Variants in TRPC3 observed in about 807,000 individuals in gnomAD.
The protein encoded by TRPC3 is short transient receptor potential channel 3.
Under a neutral mutation model 90.9 loss-of-function variants are expected in TRPC3, and 54 were observed. The observed-to-expected ratio is 0.59, with a 90% confidence interval of 0.48 to 0.75. The LOEUF (loss-of-function observed/expected upper bound fraction) is 0.75. Ranked by LOEUF, TRPC3 falls within the 30% of genes least tolerant of loss-of-function variation. TRPC3 has a pLI of 0.00. For missense variants in TRPC3, 918 were observed against 1,194.5 expected, an observed-to-expected ratio of 0.77 and a Z score of 3.41; for synonymous variants, 424 against 450.9, an observed-to-expected ratio of 0.94 and a Z score of 0.75.
At chr4:121,890,749 T>G (rs551645301) in intron 10 of TRPC3, among the ~76,000 whole-genome samples, 2 of 152,238 alleles carry the variant, frequency 1.3e-5, no homozygotes, top group Non-Finnish European at 2.9e-5. Flanking sequence ...GCCAGCACTT[T>G]GGGAGGCCGA....
At chr4:121,895,528 T>C (rs181240572) in intron 10 of TRPC3, among the ~76,000 whole-genome samples, 1 of 151,822 alleles carries the variant, frequency 6.6e-6, no homozygotes, top group Non-Finnish European at 1.5e-5. Context: ...AATAGAGAAA[T>C]ATGAAAGATC....
chr4:121,902,236 T>A (rs1164870585), intron 9 of TRPC3, among the ~76,000 whole-genome samples: 1 of 152,180 alleles, frequency 6.6e-6, no homozygotes, highest in Non-Finnish European at 1.5e-5. Context: ...CTTCTATCTA[T>A]ACCATTCTAT....
intron 10 of TRPC3, among the ~76,000 whole-genome samples, chr4:121,896,853 G>T (rs1027595205): frequency 1.2e-4 from 18 of 151,832 alleles, no homozygotes; most frequent in African/African-American, 4.4e-4. Flanking sequence ...TGAGCAAAAA[G>T]AACAAATCTG....
intron 1 of TRPC3, among the ~76,000 whole-genome samples, chr4:121,941,577 C>G (rs569745187): frequency 2.0e-5 from 3 of 151,604 alleles, no homozygotes; most frequent in East Asian, 3.9e-4. Context: ...TGGGAAGCAG[C>G]AGGTACTGAC....
chr4:121,912,593 T>G (rs1470577972), intron 4 of TRPC3, among the ~76,000 whole-genome samples: 1 of 152,184 alleles, frequency 6.6e-6, no homozygotes, highest in Admixed American at 6.5e-5. Context: ...TTTCTAAATA[T>G]TCCAAAATCA....
chr4:121,880,834 A>G (rs1217729903), intron 11 of TRPC3, among the ~76,000 whole-genome samples: 1 of 152,138 alleles, frequency 6.6e-6, no homozygotes, highest in Non-Finnish European at 1.5e-5. Context: ...ATTTCCTGGT[A>G]TCTTTAATAT....
chr4:121,914,497 T>A (rs1445335563), intron 4 of TRPC3, among the ~76,000 whole-genome samples: 1 of 152,244 alleles, frequency 6.6e-6, no homozygotes, highest in African/African-American at 2.4e-5. Flanking sequence ...GTACAAGGGC[T>A]ACTTCACTCA....
At chr4:121,886,911 C>T (rs1416828608) in intron 10 of TRPC3, among the ~76,000 whole-genome samples, 8 of 152,084 alleles carry the variant, frequency 5.3e-5, no homozygotes, top group Admixed American at 2.6e-4. Flanking sequence ...TGCTCCAATT[C>T]GCAGCAATTA....
At chr4:121,884,525 A>G (rs1728045202) in intron 10 of TRPC3, among the ~76,000 whole-genome samples, 1 of 152,192 alleles carries the variant, frequency 6.6e-6, no homozygotes, top group Non-Finnish European at 1.5e-5. Context: ...GAAAGGGAAA[A>G]AGACCTGAAC....
At chr4:121,926,014 A>AT (rs1378225734) in intron 2 of TRPC3, among the ~76,000 whole-genome samples, 1 of 152,246 alleles carries the variant, frequency 6.6e-6, no homozygotes, top group Non-Finnish European at 1.5e-5. Context: ...AAGATCAACT[A>AT]TATGTGATAT....
Position 121,876,020 on chromosome 4 carries a change from TC to T in TRPC3, c.*3715del, listed in dbSNP as rs1270440798. Among the ~76,000 whole-genome samples, 2 of 147,218 alleles carry T rather than the reference TC, an allele frequency of 1.4e-5. No individual in the cohort carries two copies. The highest frequency in any genetic ancestry group is 5.0e-5 in the African/African-American group (2 of 39,906). On this transcript the variant is annotated 3_prime_UTR_variant, in exon 12 of 12. Transcript: ENST00000379645. ...CTCAAGTTATCCTCTCACCCCAGCCTCCTGAGTAACTGGAACCACAGACACA... is the reference window on the plus strand; with the variant it reads ...CTCAAGTTATCCTCTCACCCCAGCCTCTGAGTAACTGGAACCACAGACACA...
rs1488930870 is a variant in TRPC3 at position 121,951,549 on chromosome 4, G to A, written c.132C>T (p.Asn44=). 3 of 1,430,000 alleles carry A rather than the reference G, an allele frequency of 2.1e-6. No homozygotes were observed. Among genetic ancestry groups the A allele is most frequent in the African/African-American group, 1.5e-5 (1 of 66,652 alleles). The allele number at this position is 1,430,000 out of a possible 1,614,324, so 88.6% of individuals were successfully genotyped here. ...QRRRRGWRGV[N]GGLEPRSAPS... is the part of the protein sequence containing the mutation. ...GCGCCGAGCGCGGCTCCAGCCCCCCGTTGACGCCCCTCCAGCCCCGGCGGC... is the reference window on the plus strand; with the variant it reads ...GCGCCGAGCGCGGCTCCAGCCCCCCATTGACGCCCCTCCAGCCCCGGCGGC... The change falls in exon 1 of 12, where the codon AAC becomes AAT. Residue 44 remains asparagine, a synonymous_variant. Transcript: ENST00000379645. This position sits in a 1 kb window ranked among gnomAD's most constrained non-coding sequence, Gnocchi z 4.4.
Position 121,951,480 on chromosome 4 carries a change from G to A in TRPC3, c.201C>T (p.Ser67=), listed in dbSNP as rs1730750146. The A allele has an allele frequency of 1.5e-6, 2 of 1,318,464 alleles. No homozygotes were observed. Among genetic ancestry groups the A allele is most frequent in the Non-Finnish European group, 1.9e-6 (2 of 1,035,748 alleles). 81.7% of individuals were successfully genotyped at this position (1,318,464 alleles called of 1,614,324 possible). ...EPHGYCPPPF[S]HGPDLSMEGS... ...CCGGTACTCACAGGTCCGGCCCGTG[G>A]GAGAAGGGCGGCGGGCAGTAGCCGT... The change falls in exon 1 of 12, where the codon TCC becomes TCT. Residue 67 remains serine (S), a synonymous_variant. Transcript: ENST00000379645. The surrounding 1 kb of genome is among the most constrained non-coding windows in gnomAD (Gnocchi z 4.4).
intron 10 of TRPC3, 50 bp from the exon 11 acceptor site, chr4:121,882,479 C>T: frequency 4.5e-6 from 7 of 1,548,486 alleles, no homozygotes; most frequent in Non-Finnish European, 4.4e-6. Context: ...ACATAAGTGC[C>T]CCAATCCTAT....
chr4:121,935,970 A>G (rs1375285079), intron 1 of TRPC3, among the ~76,000 whole-genome samples: 3 of 152,160 alleles, frequency 2.0e-5, no homozygotes, highest in African/African-American at 7.2e-5. Context: ...CTATACCTCC[A>G]TACTATATAT....
chr4:121,950,339 C>T (rs1415600695), intron 1 of TRPC3, among the ~76,000 whole-genome samples: 3 of 152,216 alleles, frequency 2.0e-5, no homozygotes, highest in African/African-American at 4.8e-5. Context: ...GGGCGGTGGG[C>T]CTCTCGCCGG....
At chr4:121,934,070 A>G (rs1730049121) in intron 1 of TRPC3, among the ~76,000 whole-genome samples, 1 of 152,248 alleles carries the variant, frequency 6.6e-6, no homozygotes. Context: ...GCGCACTGAA[A>G]TCCTAACACA....
At chr4:121,899,762 T>C (rs1240628076) in intron 9 of TRPC3, 67 bp from the exon 10 acceptor site, 3 of 1,213,394 alleles carry the variant, frequency 2.5e-6, no homozygotes, top group African/African-American at 1.5e-5. Context: ...ATATAATCCA[T>C]TTATTCTCCT....
In TRPC3 at chr4:121,951,420, G is replaced by T; in HGVS notation, c.215+46C>A. 1 of 1,158,164 alleles carries T rather than the reference G, an allele frequency of 8.6e-7. No homozygotes were observed. Among genetic ancestry groups the T allele is most frequent in the South Asian group, 4.3e-5 (1 of 23,362 alleles). The allele number at this position is 1,158,164 out of a possible 1,614,324, so 71.7% of individuals were successfully genotyped here. A position where few individuals can be genotyped will look rare whatever the true frequency, so the allele number is the denominator to read the frequency against. On this transcript the variant is annotated intron_variant, in intron 1 of 11. Coordinates refer to ENST00000379645, the MANE Select transcript of TRPC3 (RefSeq NM_001130698.2). The surrounding 1 kb of genome is among the most constrained non-coding windows in gnomAD (Gnocchi z 4.4). ...GCGCGCGCCTTCCCGCCCCCCGCCCGGCACCGCCCTCCGAGGCGCGGGCCG... is the reference window on the plus strand; with the variant it reads ...GCGCGCGCCTTCCCGCCCCCCGCCCTGCACCGCCCTCCGAGGCGCGGGCCG...
Sources: allele counts gnomAD v4.1 joint callset (sites outside exome capture counted in the v4.1 genomes callset), GRCh38; gene constraint gnomAD v4.1.1; non-coding constraint Gnocchi (gnomAD v3.1); transcripts MANE v1.5; gene names NCBI Gene and HGNC (gene_info 2026-07-23, HGNC 2026-07-21).